Variants in LY6E observed in about 807,000 individuals in gnomAD.
LY6E encodes the protein lymphocyte antigen 6E.
Under a neutral mutation model 7.7 loss-of-function variants are expected in LY6E, and 4 were observed. That is an observed-to-expected ratio of 0.52 (90% confidence interval 0.25 to 1.18). LY6E has a LOEUF of 1.18. Among genes scored for constraint, LY6E ranks in the 50% most tolerant of loss-of-function variants. The probability of loss-of-function intolerance (pLI) is 0.14; values close to 1 mark genes in which losing one functional copy is unlikely to be tolerated. For synonymous variants in LY6E, 81 were observed against 80.1 expected (o/e 1.01, Z -0.06); for missense variants, 156 against 168.0 (o/e 0.93, Z 0.40).
rs1362250554 is a variant in LY6E, at chr8:143,021,933, C to T, written c.*144C>T. The T allele has an allele frequency of 2.8e-6, 2 of 711,726 alleles. No individual in the cohort carries two copies. Among genetic ancestry groups the T allele is most frequent in the Non-Finnish European group, 4.6e-6 (2 of 438,832 alleles). The allele number at this position is 711,726 out of a possible 1,614,324, so 44.1% of individuals were successfully genotyped here. A position where few individuals can be genotyped will look rare whatever the true frequency, so the allele number is the denominator to read the frequency against. On this transcript the variant is annotated 3_prime_UTR_variant, in exon 4 of 4. Transcript: ENST00000292494. ...AGGTCAGGCCCACCCCCTGCACCTC[C>T]ACCTGCCCCAGCCCCTGCCTCTGCC...
Position 143,021,765 on chromosome 8 carries a change from G to A in LY6E, c.372G>A (p.Pro124=), listed in dbSNP as rs944997227. The A allele has an allele frequency of 1.6e-5, 26 of 1,608,118 alleles. No homozygotes were observed. Among genetic ancestry groups the A allele is most frequent in the South Asian group, 6.6e-5 (6 of 90,840 alleles). ...LGAGLLLSLL[P]ALLRFGP ...CCGGGCTGCTGCTGAGCCTGCTGCC[G>A]GCCCTGCTGCGGTTTGGCCCCTGAC... Residue 124 remains proline, a synonymous_variant, in exon 4 of 4, where the codon CCG becomes CCA. Transcript: ENST00000292494.
Position 143,021,852 on chromosome 8 carries a change from C to G in LY6E, c.*63C>G. 6.8e-7 allele frequency: 1 copy of G among 1,465,676 alleles called. No individual in the cohort carries two copies. Among genetic ancestry groups the G allele is most frequent in the Non-Finnish European group, 9.2e-7 (1 of 1,086,584 alleles). The allele number at this position is 1,465,676 out of a possible 1,614,324, so 90.8% of individuals were successfully genotyped here. A position where few individuals can be genotyped will look rare whatever the true frequency, so the allele number is the denominator to read the frequency against. On this transcript the variant is annotated 3_prime_UTR_variant, in exon 4 of 4. Transcript: ENST00000292494. ...AGGAAAGCCCAGCCCTTTCTGGATC[C>G]CACAGTGTATGGGAGCCCCTGACTC...
At position 143,021,579 on chromosome 8, in the gene LY6E, AT is replaced by A; in HGVS notation, c.189del (p.Phe63LeufsTer5). On this transcript the variant is annotated frameshift_variant, in exon 4 of 4. Coordinates refer to ENST00000292494, the MANE Select transcript of LY6E (RefSeq NM_002346.3). LOFTEE classifies it low-confidence loss of function (END_TRUNC). ...ASAGIGNLVT[F>X]GHSLSKTCSP... is the part of the protein sequence containing the mutation. ...TTTCCCATGCAGGGAATCTCGTGAC[AT>A]TTGGCCACAGCCTGAGCAAGACCTG... is the stretch of plus-strand genomic sequence containing the variant. 6.2e-7 allele frequency: 1 copy of A among 1,613,816 alleles called. No individual in the cohort carries two copies. Among genetic ancestry groups the A allele is most frequent in the Non-Finnish European group, 8.5e-7 (1 of 1,179,984 alleles).
chr8:143,018,630 C>G (rs1446897925), intron 1 of LY6E, 44 bp downstream of exon 1: 12 of 150,130 alleles, frequency 8.0e-5, no homozygotes. Flanking sequence ...GCCACCTGCG[C>G]GCACGCGCTC....
chr8:143,022,042 G>A lies in LY6E; in HGVS notation c.*253G>A. 1 of 570,148 alleles carries A rather than the reference G, an allele frequency of 1.8e-6. No homozygotes were observed. Among genetic ancestry groups the A allele is most frequent in the Non-Finnish European group, 3.1e-6 (1 of 322,022 alleles). 35.3% of individuals were successfully genotyped at this position (570,148 alleles called of 1,614,324 possible). On this transcript the variant is annotated 3_prime_UTR_variant, in exon 4 of 4. Coordinates refer to ENST00000292494, the MANE Select transcript of LY6E (RefSeq NM_002346.3). ...CCGCGGAAGGGACGAGGGTTCCCTGGAGTCTTACGGTCCAACATCAGGACC... is the reference window on the plus strand; with the variant it reads ...CCGCGGAAGGGACGAGGGTTCCCTGAAGTCTTACGGTCCAACATCAGGACC...
intron 2 of LY6E, 72 bp from the exon 3 acceptor site, chr8:143,021,242 A>G: frequency 6.4e-7 from 1 of 1,567,374 alleles, no homozygotes; most frequent in Non-Finnish European, 8.6e-7. Flanking sequence ...TTTCTCAGTA[A>G]ATGTCCACTG....
intron 1 of LY6E, 147 bp from the exon 2 acceptor site, chr8:143,020,736 G>A: frequency 3.3e-6 from 2 of 599,534 alleles, no homozygotes; most frequent in Non-Finnish European, 6.0e-6. Flanking sequence ...TGAGTGAGGA[G>A]TGGGTCAGGA....
chr8:143,021,699 G>C lies in LY6E; in HGVS notation c.306G>C (p.Ala102=). 1 of 1,613,548 alleles carries C rather than the reference G, an allele frequency of 6.2e-7. No individual in the cohort carries two copies. The highest frequency in any genetic ancestry group is 8.5e-7 in the Non-Finnish European group (1 of 1,180,030). The change falls in exon 4 of 4, where the codon GCG becomes GCC. Residue 102 remains alanine, a synonymous_variant. Transcript: ENST00000292494. ...CCQSFLCNFS[A]ADGGLRASVT... ...AGAGCTTTCTGTGCAATTTCAGTGC[G>C]GCCGATGGCGGGCTGCGGGCAAGCG... is the stretch of plus-strand genomic sequence containing the variant.
rs139281266 is a variant in LY6E at position 143,021,426 on chromosome 8, C to T, written c.165C>T (p.Ala55=). The T allele has an allele frequency of 1.7e-5, 28 of 1,613,842 alleles. No individual in the cohort carries two copies. Among genetic ancestry groups the T allele is most frequent in the African/African-American group, 1.1e-4 (8 of 74,926 alleles). Reference sequence around the variant, plus strand: ...ACTGCGTGACTGTGTCTGCTAGTGCCGGCATTGGTGAGTGCCAGGCCTCAG... The same window carrying T: ...ACTGCGTGACTGTGTCTGCTAGTGCTGGCATTGGTGAGTGCCAGGCCTCAG... The part of the protein sequence containing the change: ...DNYCVTVSAS[A]GIGNLVTFGH... The change falls in exon 3 of 4, where the codon GCC becomes GCT. Residue 55 remains alanine (A), a synonymous_variant. Transcript: ENST00000292494.
In LY6E at chr8:143,021,723, C is replaced by T. The variant is rs141094997; in HGVS notation, c.330C>T (p.Ser110=). 50 of 1,613,056 alleles carry T rather than the reference C, an allele frequency of 3.1e-5. No individual in the cohort carries two copies. Among genetic ancestry groups the T allele is most frequent in the Non-Finnish European group, 3.3e-5 (39 of 1,180,006 alleles). Residue 110 remains serine, a synonymous_variant, in exon 4 of 4, where the codon AGC becomes AGT. Coordinates refer to ENST00000292494, the MANE Select transcript of LY6E (RefSeq NM_002346.3). ...CGGCCGATGGCGGGCTGCGGGCAAGCGTCACCCTGCTGGGTGCCGGGCTGC... is the reference window on the plus strand; with the variant it reads ...CGGCCGATGGCGGGCTGCGGGCAAGTGTCACCCTGCTGGGTGCCGGGCTGC... ...FSAADGGLRA[S]VTLLGAGLLL... is the part of the protein sequence containing the mutation.
Position 143,021,422 on chromosome 8 carries a change from G to A in LY6E, c.161G>A (p.Ser54Asn). The part of the protein sequence containing the change: ...QDNYCVTVSA[S>N]AGIGNLVTFG... Reference sequence around the variant, plus strand: ...AACTACTGCGTGACTGTGTCTGCTAGTGCCGGCATTGGTGAGTGCCAGGCC... The same window carrying A: ...AACTACTGCGTGACTGTGTCTGCTAATGCCGGCATTGGTGAGTGCCAGGCC... Residue 54 changes from serine (S) to asparagine (N), a missense_variant, in exon 3 of 4, where the codon AGT (serine) becomes AAT (asparagine). Coordinates refer to ENST00000292494, the MANE Select transcript of LY6E (RefSeq NM_002346.3). 1.2e-6 allele frequency: 2 copies of A among 1,613,964 alleles called. No individual in the cohort carries two copies. The highest frequency in any genetic ancestry group is 1.3e-5 in the African/African-American group (1 of 75,052).
intron 1 of LY6E, among the ~76,000 whole-genome samples, chr8:143,019,391 C>G (rs528492391): frequency 5.9e-5 from 9 of 152,356 alleles, no homozygotes; most frequent in South Asian, 2.1e-4. Flanking sequence ...TTAGCTCAGC[C>G]TGGTGGCCCA....
chr8:143,019,657 A>C (rs1461642367), intron 1 of LY6E, among the ~76,000 whole-genome samples: 1 of 152,190 alleles, frequency 6.6e-6, no homozygotes, highest in Non-Finnish European at 1.5e-5. Context: ...ATGTCAGCCC[A>C]GGTCTCACTG....
rs751822701 is a variant in LY6E, at chr8:143,021,810, G to A, written c.*21G>A. 3.3e-5 allele frequency: 52 copies of A among 1,575,246 alleles called. No homozygotes were observed. Among genetic ancestry groups the A allele is most frequent in the African/African-American group, 1.3e-4 (10 of 74,330 alleles). On this transcript the variant is annotated 3_prime_UTR_variant, in exon 4 of 4. Transcript: ENST00000292494. Reference sequence around the variant, plus strand: ...CCTGACCGCCCAGACCCTGTCCCCCGATCCCCCAGCTCAGGAAGGAAAGCC... The same window carrying A: ...CCTGACCGCCCAGACCCTGTCCCCCAATCCCCCAGCTCAGGAAGGAAAGCC...
At chr8:143,021,477 T>C in intron 3 of LY6E, 44 bp downstream of exon 3, 1 of 1,613,620 alleles carries the variant, frequency 6.2e-7, no homozygotes, top group Non-Finnish European at 8.5e-7. Context: ...CCTGGCCATC[T>C]CCCTAGCCCG....
At position 143,021,602 on chromosome 8, in the gene LY6E, C is replaced by T. The variant is rs749473075; in HGVS notation, c.209C>T (p.Thr70Ile). Reference sequence around the variant, plus strand: ...ACATTTGGCCACAGCCTGAGCAAGACCTGTTCCCCGGCCTGCCCCATCCCA... The same window carrying T: ...ACATTTGGCCACAGCCTGAGCAAGATCTGTTCCCCGGCCTGCCCCATCCCA... ...LVTFGHSLSK[T>I]CSPACPIPEG... is the part of the protein sequence containing the mutation. The change falls in exon 4 of 4, where the codon ACC becomes ATC. Residue 70 changes from threonine (T) to isoleucine (I), a missense_variant. Coordinates refer to ENST00000292494, the MANE Select transcript of LY6E (RefSeq NM_002346.3). The T allele has an allele frequency of 1.2e-6, 2 of 1,613,958 alleles. No individual in the cohort carries two copies. The highest frequency in any genetic ancestry group is 2.2e-5 in the South Asian group (2 of 91,080).
In LY6E at chr8:143,021,312, A is replaced by G; in HGVS notation, c.53-2A>G. 1 of 1,613,182 alleles carries G rather than the reference A, an allele frequency of 6.2e-7. No homozygotes were observed. The highest frequency in any genetic ancestry group is 1.1e-5 in the South Asian group (1 of 91,052). ...TGAGACAGGTGTGTCCTCCTTCCGCAGCCAGCTCGCTGATGTGCTTCTCCT... is the reference window on the plus strand; with the variant it reads ...TGAGACAGGTGTGTCCTCCTTCCGCGGCCAGCTCGCTGATGTGCTTCTCCT... On this transcript the variant is annotated splice_acceptor_variant, in intron 2 of 3. Transcript: ENST00000292494. LOFTEE classifies it high-confidence loss of function.
In LY6E at chr8:143,021,694, A is replaced by G. The variant is rs371341453; in HGVS notation, c.301A>G (p.Ser101Gly). Reference sequence around the variant, plus strand: ...CTGCCAGAGCTTTCTGTGCAATTTCAGTGCGGCCGATGGCGGGCTGCGGGC... The same window carrying G: ...CTGCCAGAGCTTTCTGTGCAATTTCGGTGCGGCCGATGGCGGGCTGCGGGC... ...SCCQSFLCNF[S>G]AADGGLRASV... Residue 101 changes from serine to glycine, a missense_variant, in exon 4 of 4, where the codon AGT becomes GGT. Ser to Gly is a moderately conservative substitution (Grantham distance 56). Transcript: ENST00000292494. The G allele has an allele frequency of 7.4e-5, 119 of 1,613,510 alleles. No individual in the cohort carries two copies. The highest frequency in any genetic ancestry group is 1.6e-4 in the Middle Eastern group (1 of 6,084).
At chr8:143,021,523 G>A (rs771794760) in intron 3 of LY6E, 43 bp from the exon 4 acceptor site, 3 of 1,612,492 alleles carry the variant, frequency 1.9e-6, no homozygotes, top group Non-Finnish European at 2.5e-6. Flanking sequence ...CTGTCTGTCT[G>A]CAGCCGTCTG....
Sources: gnomAD v4.1 joint callset for allele counts (sites outside exome capture counted in the v4.1 genomes callset) on GRCh38, gnomAD v4.1.1 for gene constraint, MANE v1.5 for transcripts, NCBI Gene and HGNC (gene_info 2026-07-23, HGNC 2026-07-21) for gene names.